Variants in FRMD3 observed in about 807,000 individuals in gnomAD.
FRMD3 encodes FERM domain containing 3.
In FRMD3, 33 loss-of-function variants were observed where a neutral mutation model predicts 70.2. The ratio of observed to expected loss-of-function variants is 0.47; its 90% CI spans 0.36 to 0.63. The LOEUF is 0.63. Ranked by LOEUF, FRMD3 falls within the 20% of genes least tolerant of loss-of-function variation. The pLI, the probability that FRMD3 is intolerant of heterozygous loss-of-function variation, is 0.00. For missense variants in FRMD3, 632 were observed against 711.4 expected, an observed-to-expected ratio of 0.89 and a Z score of 1.27; for synonymous variants, 279 against 255.9, an observed-to-expected ratio of 1.09 and a Z score of -0.86.
chr9:83,262,098 G>C lies in FRMD3; in HGVS notation c.1196-13582C>G, dbSNP rs1023560805. 3.3e-5 allele frequency among the ~76,000 whole-genome samples: 5 copies of C among 152,162 alleles called. 1 individual carries two copies. The highest frequency in any genetic ancestry group is 7.2e-5 in the African/African-American group (3 of 41,430). On this transcript the variant is annotated intron_variant, in intron 13 of 13. Transcript: ENST00000304195. ...TATTTCTCAAATTAATTCTCCCAGAGAACATAGAACACAACTTAGTTTGGA... is the reference window on the plus strand; with the variant it reads ...TATTTCTCAAATTAATTCTCCCAGACAACATAGAACACAACTTAGTTTGGA...
At chr9:83,310,415 G>A in intron 9 of FRMD3, 70 bp downstream of exon 9, 1 of 1,178,838 alleles carries the variant, frequency 8.5e-7, no homozygotes, top group Non-Finnish European at 1.2e-6. Context: ...AATACTAAAG[G>A]CATATTTTAC....
At chr9:83,568,677 G>T in the FRMD3 span, among the ~76,000 whole-genome samples, 3 of 149,790 alleles carry the variant, frequency 2.0e-5, no homozygotes, top group Admixed American at 6.7e-5. Context: ...TGATCAAAAG[G>T]TATAAAGTTT....
chr9:83,285,304 G>A lies in FRMD3; in HGVS notation c.1195+5299C>T, dbSNP rs531711648. Among the ~76,000 whole-genome samples, 14 of 152,260 alleles carry A rather than the reference G, an allele frequency of 9.2e-5. No homozygotes were observed. The East Asian group carries it at 2.7e-3, about 29-fold the overall frequency. On this transcript the variant is annotated intron_variant, in intron 13 of 13. Transcript: ENST00000304195. Reference sequence around the variant, plus strand: ...GATGGTGCTACAGGGTGGCTTGTGAGAGTTAGTTTTACCATTCTCTTAGTT... The same window carrying A: ...GATGGTGCTACAGGGTGGCTTGTGAAAGTTAGTTTTACCATTCTCTTAGTT...
intron 6 of FRMD3, among the ~76,000 whole-genome samples, chr9:83,324,872 A>G (rs1835948565): frequency 6.6e-6 from 1 of 152,224 alleles, no homozygotes; most frequent in Admixed American, 6.5e-5. Flanking sequence ...ATGCAAATGC[A>G]AGCTGACCTG....
intron 12 of FRMD3, chr9:83,297,925 C>T (rs1030898596): frequency 1.8e-5 from 8 of 451,202 alleles, no homozygotes; most frequent in African/African-American, 1.4e-4. Flanking sequence ...GGACCACAGC[C>T]TCCTCCTGCC....
chr9:83,365,331 A>C (rs1824752608), intron 3 of FRMD3, among the ~76,000 whole-genome samples: 1 of 152,214 alleles, frequency 6.6e-6, no homozygotes, highest in South Asian at 2.1e-4. Flanking sequence ...ACAATGCTAC[A>C]GTAGGATTTC....
chr9:83,356,539 G>C (rs750769298), intron 3 of FRMD3, among the ~76,000 whole-genome samples: 90 of 151,346 alleles, frequency 5.9e-4, no homozygotes, highest in Non-Finnish European at 1.3e-3. Flanking sequence ...GCCTCCCAAA[G>C]TGCTGGGATT....
chr9:83,372,874 C>T (rs751933259), intron 3 of FRMD3, 39 bp downstream of exon 3: 1 of 1,554,342 alleles, frequency 6.4e-7, no homozygotes, highest in South Asian at 1.1e-5. Flanking sequence ...TATCTTTGGA[C>T]ACATTGTAGC....
chr9:83,534,648 C>T (rs1829854322), intron 1 of FRMD3, among the ~76,000 whole-genome samples: 2 of 152,190 alleles, frequency 1.3e-5, no homozygotes, highest in Admixed American at 1.3e-4. Flanking sequence ...TCTTTTGATG[C>T]ATAGGCATAA....
At chr9:83,581,441 T>C in the FRMD3 span, among the ~76,000 whole-genome samples, 1 of 152,324 alleles carries the variant, frequency 6.6e-6, no homozygotes, top group South Asian at 2.1e-4. Context: ...GGGAAGGCTA[T>C]AATCAGGCAG....
chr9:83,558,841 A>C, the FRMD3 span, among the ~76,000 whole-genome samples: 2 of 152,222 alleles, frequency 1.3e-5, no homozygotes, highest in Non-Finnish European at 1.5e-5. Context: ...TCAAGACTTC[A>C]GTGGAGGAAG....
chr9:83,503,934 G>A (rs1319710319), intron 1 of FRMD3, among the ~76,000 whole-genome samples: 2 of 152,208 alleles, frequency 1.3e-5, no homozygotes, highest in African/African-American at 4.8e-5. Context: ...ACACTAGCTA[G>A]AACTCTCCTG....
chr9:83,535,920 G>C (rs1829883161), intron 1 of FRMD3, among the ~76,000 whole-genome samples: 1 of 152,282 alleles, frequency 6.6e-6, no homozygotes, highest in African/African-American at 2.4e-5. Flanking sequence ...AAATGGTTTT[G>C]TTTCGCATTG....
chr9:83,524,482 C>G (rs17086413), intron 1 of FRMD3, among the ~76,000 whole-genome samples: 8,104 of 152,198 alleles, frequency 0.053, 318 homozygotes, highest in East Asian at 0.21. Flanking sequence ...GATGACAGTT[C>G]CAAGACATCA....
intron 1 of FRMD3, 112 bp from the exon 2 acceptor site, chr9:83,389,820 C>T (rs1825616208): frequency 5.8e-6 from 4 of 690,936 alleles, no homozygotes; most frequent in African/African-American, 1.8e-5. Context: ...AATGTGCTCA[C>T]TCCAGTCCCT....
At position 83,333,802 on chromosome 9, in the gene FRMD3, G is replaced by A. The variant is rs147578712; in HGVS notation, c.596+1714C>T. 1.1e-4 allele frequency among the ~76,000 whole-genome samples: 17 copies of A among 152,190 alleles called. No homozygotes were observed. In the East Asian group the frequency reaches 3.3e-3, roughly 30 times the overall value. ...GCATACCTTGAGCCAGGTAACCCAA[G>A]GTTCAAGTCCTGACTCCACTATTTA... On this transcript the variant is annotated intron_variant, in intron 6 of 13. Coordinates refer to ENST00000304195, the MANE Select transcript of FRMD3 (RefSeq NM_174938.6).
chr9:83,248,594 C>A, intron 13 of FRMD3, 78 bp from the exon 14 acceptor site: 2 of 1,420,218 alleles, frequency 1.4e-6, no homozygotes, highest in African/African-American at 1.4e-5. Flanking sequence ...AACAGAAAAA[C>A]AAAAAACTAA....
chr9:83,266,495 T>C (rs749622632), intron 13 of FRMD3, among the ~76,000 whole-genome samples: 12 of 152,200 alleles, frequency 7.9e-5, no homozygotes, highest in Non-Finnish European at 1.2e-4. Flanking sequence ...TAACAAAATA[T>C]ATTTACAATG....
Position 83,449,981 on chromosome 9 carries a change from T to A in FRMD3, c.148-60273A>T, listed in dbSNP as rs538660993. ...ATTTCATGCCTCAATAACTTTTTTT[T>A]TAAAAAGGCAAAGCCATAATCTGTT... On this transcript the variant is annotated intron_variant, in intron 1 of 13. Coordinates refer to ENST00000304195, the MANE Select transcript of FRMD3 (RefSeq NM_174938.6). Among the ~76,000 whole-genome samples the A allele has an allele frequency of 4.1e-3, 629 of 152,306 alleles. 7 individuals carry two copies. Among genetic ancestry groups the A allele is most frequent in the African/African-American group, 0.011 (467 of 41,562 alleles).
Sources: gnomAD v4.1 joint callset for allele counts (sites outside exome capture counted in the v4.1 genomes callset) on GRCh38, gnomAD v4.1.1 for gene constraint, MANE v1.5 for transcripts, NCBI Gene and HGNC (gene_info 2026-07-23, HGNC 2026-07-21) for gene names.